The following IRAK1BP1 variants were observed in gnomAD, a reference collection of about 807,000 sequenced individuals.
IRAK1BP1 encodes interleukin 1 receptor associated kinase 1 binding protein 1.
IRAK1BP1 carries 24 observed loss-of-function variants against 28.0 expected under a neutral mutation model. The observed-to-expected ratio is 0.86, with a 90% CI of 0.62 to 1.20. IRAK1BP1 has a LOEUF of 1.20. Ranked by LOEUF, IRAK1BP1 falls within the 50% of genes most tolerant of loss-of-function variation. IRAK1BP1 has a pLI of 0.00. For synonymous variants in IRAK1BP1, 131 were observed against 116.3 expected, an observed-to-expected ratio of 1.13 and a Z score of -0.81; for missense variants, 336 against 316.7, an observed-to-expected ratio of 1.06 and a Z score of -0.46.
rs560388228 is a variant in IRAK1BP1 at position 78,901,997 on chromosome 6, G to A, written c.*3663G>A. 2.0e-5 allele frequency: 3 copies of A among 152,308 alleles called. No homozygotes were observed. Among genetic ancestry groups the A allele is most frequent in the South Asian group, 4.1e-4 (2 of 4,826 alleles). The allele number at this position is 152,308 out of a possible 1,614,324, so 9.4% of individuals were successfully genotyped here. A position where few individuals can be genotyped will look rare whatever the true frequency, so the allele number is the denominator to read the frequency against. On this transcript the variant is annotated 3_prime_UTR_variant, in exon 4 of 4. Coordinates refer to ENST00000369940, the MANE Select transcript of IRAK1BP1 (RefSeq NM_001010844.4). Reference sequence around the variant, plus strand: ...AAAAGCATGAATTATGAGATCAAATGTGGGAGTTACTATATGATTATCTGC... The same window carrying A: ...AAAAGCATGAATTATGAGATCAAATATGGGAGTTACTATATGATTATCTGC...
intron 4 of IRAK1BP1, chr6:78,936,108 C>T (rs867989443): frequency 6.6e-6 from 1 of 151,622 alleles, no homozygotes; most frequent in African/African-American, 2.4e-5. Context: ...ACTCCAGGTT[C>T]GGAAGGAAAA....
rs562923677 is a variant in IRAK1BP1, at chr6:78,927,748, A to G, written c.*68-17660A>G. Among the ~76,000 whole-genome samples, 7 of 152,302 alleles carry G rather than the reference A, an allele frequency of 4.6e-5. No homozygotes were observed. The East Asian group carries it at 9.6e-4, about 21-fold the overall frequency. ...TAGGGGTCTAGTTTCATTCTTCTGC[A>G]TATGAATATCCAGTTTTCCAGGCAC... On this transcript the variant is annotated intron_variant and NMD_transcript_variant, in intron 4 of 4. Coordinates refer to the IRAK1BP1 transcript ENST00000606868.
the IRAK1BP1 span, chr6:78,955,175 C>T: frequency 3.3e-6 from 4 of 1,200,914 alleles, no homozygotes; most frequent in South Asian, 1.4e-5. Context: ...ATAAAGAAAG[C>T]TCTTAATACA....
Position 78,897,879 on chromosome 6 carries a change from T to G in IRAK1BP1, c.432T>G (p.Phe144Leu), listed in dbSNP as rs777280517. The G allele has an allele frequency of 2.5e-6, 4 of 1,613,770 alleles. No individual in the cohort carries two copies. The East Asian group carries it at 6.7e-5, about 27-fold the overall frequency. ...GAAAAATGCAAAATATTTGTAACTTTCTTGTTGAAAAGCTAGATAGCTCTG... is the reference window on the plus strand; with the variant it reads ...GAAAAATGCAAAATATTTGTAACTTGCTTGTTGAAAAGCTAGATAGCTCTG... ...EFGKMQNICNFLVEKLDSSVV... is the reference protein window; with the variant it reads ...EFGKMQNICNLLVEKLDSSVV... The change falls in exon 3 of 4, where the codon TTT becomes TTG. Residue 144 changes from phenylalanine to leucine, a missense_variant. Coordinates refer to ENST00000369940, the MANE Select transcript of IRAK1BP1 (RefSeq NM_001010844.4).
the IRAK1BP1 span, among the ~76,000 whole-genome samples, chr6:78,974,285 A>C: frequency 6.6e-6 from 1 of 152,114 alleles, no homozygotes; most frequent in East Asian, 1.9e-4. Context: ...TACTGGGTAC[A>C]TAATGAAATG....
At chr6:78,896,331 G>GA (rs35774009) in intron 2 of IRAK1BP1, among the ~76,000 whole-genome samples, 5,991 of 92,970 alleles carry the variant, frequency 0.064, 149 homozygotes, top group African/African-American at 0.1. Flanking sequence ...AACCTAAATG[G>GA]AAAAAAAAAA....
chr6:78,933,975 A>G (rs759371721), intron 4 of IRAK1BP1, among the ~76,000 whole-genome samples: 10 of 152,098 alleles, frequency 6.6e-5, no homozygotes, highest in Non-Finnish European at 1.0e-4. Context: ...TGCCTTTTTC[A>G]CTAAGCTTAA....
downstream of IRAK1BP1, among the ~76,000 whole-genome samples, chr6:78,905,247 TATTA>T (rs1440754700): frequency 5.3e-5 from 8 of 152,346 alleles, no homozygotes; most frequent in African/African-American, 1.7e-4. Context: ...CATTGACCAA[TATTA>T]ATTAATGATA....
chr6:78,899,513 C>T lies in IRAK1BP1; in HGVS notation c.*1179C>T, dbSNP rs1374290998. Reference sequence around the variant, plus strand: ...GTTTGGATCGGACTCCAACAGGGCTCCTTAGAGTGATACAAATACAAAGCA... The same window carrying T: ...GTTTGGATCGGACTCCAACAGGGCTTCTTAGAGTGATACAAATACAAAGCA... On this transcript the variant is annotated 3_prime_UTR_variant, in exon 4 of 4. Coordinates refer to ENST00000369940, the MANE Select transcript of IRAK1BP1 (RefSeq NM_001010844.4). The T allele has an allele frequency of 6.6e-6, 1 of 152,164 alleles. No individual in the cohort carries two copies. Among genetic ancestry groups the T allele is most frequent in the East Asian group, 1.9e-4 (1 of 5,198 alleles). The allele number at this position is 152,164 out of a possible 1,614,324, so 9.4% of individuals were successfully genotyped here.
chr6:78,887,176 A>G (rs548136120), intron 2 of IRAK1BP1, among the ~76,000 whole-genome samples: 23 of 152,324 alleles, frequency 1.5e-4, no homozygotes, highest in African/African-American at 5.3e-4. Flanking sequence ...AGACTTATAC[A>G]ACTCAGTAGA....
At chr6:78,954,838 C>A in the IRAK1BP1 span, 1 of 1,580,622 alleles carries the variant, frequency 6.3e-7, no homozygotes, top group Non-Finnish European at 8.6e-7. Flanking sequence ...GATCTACCGG[C>A]TGACGGAAAG....
chr6:78,945,543 AAAGAT>A (rs1773765225), exon 5 of IRAK1BP1: 4 of 1,172,254 alleles, frequency 3.4e-6, no homozygotes, highest in Non-Finnish European at 2.5e-6. Flanking sequence ...TATTGAACCT[AAAGAT>A]AAGAAAAAAG....
intron 4 of IRAK1BP1, among the ~76,000 whole-genome samples, chr6:78,918,546 A>G (rs1772626118): frequency 6.8e-6 from 1 of 146,552 alleles, no homozygotes; most frequent in Non-Finnish European, 1.5e-5. Flanking sequence ...TGGTTGTTAT[A>G]TCAGATAAAA....
chr6:78,889,969 A>G (rs1159411750), intron 2 of IRAK1BP1, among the ~76,000 whole-genome samples: 2 of 152,188 alleles, frequency 1.3e-5, no homozygotes, highest in Non-Finnish European at 2.9e-5. Context: ...ACACATGTAG[A>G]CGTACATTTA....
the IRAK1BP1 span, among the ~76,000 whole-genome samples, chr6:78,952,167 C>G: frequency 6.6e-6 from 1 of 152,122 alleles, no homozygotes; most frequent in Non-Finnish European, 1.5e-5. Flanking sequence ...TGCCTGTAAT[C>G]CCAGCACTTT....
chr6:78,949,653 G>A (rs1774028737), downstream of IRAK1BP1, among the ~76,000 whole-genome samples: 2 of 151,786 alleles, frequency 1.3e-5, no homozygotes, highest in Admixed American at 6.6e-5. Flanking sequence ...TGTGGCATGT[G>A]GTAAGCCCCG....
chr6:78,904,076 G>C (rs1312532408), downstream of IRAK1BP1, among the ~76,000 whole-genome samples: 2 of 152,196 alleles, frequency 1.3e-5, no homozygotes, highest in Non-Finnish European at 2.9e-5. Context: ...GACAGATACT[G>C]TTTATGGCAA....
At position 78,901,083 on chromosome 6, in the gene IRAK1BP1, A is replaced by C. The variant is rs1423447081; in HGVS notation, c.*2749A>C. 6.6e-6 allele frequency: 1 copy of C among 151,678 alleles called. No individual in the cohort carries two copies. Among genetic ancestry groups the C allele is most frequent in the Admixed American group, 6.6e-5 (1 of 15,230 alleles). The allele number at this position is 151,678 out of a possible 1,614,324, so 9.4% of individuals were successfully genotyped here. A position where few individuals can be genotyped will look rare whatever the true frequency, so the allele number is the denominator to read the frequency against. ...GTTCGTTCTCAACAAAAATTTAATC[A>C]CATGGGTAGTTTTTTTTTTTTTAGC... On this transcript the variant is annotated 3_prime_UTR_variant, in exon 4 of 4. Coordinates refer to ENST00000369940, the MANE Select transcript of IRAK1BP1 (RefSeq NM_001010844.4).
intron 2 of IRAK1BP1, among the ~76,000 whole-genome samples, chr6:78,894,549 T>A (rs1319584574): frequency 6.6e-6 from 1 of 152,114 alleles, no homozygotes; most frequent in East Asian, 1.9e-4. Context: ...ATACATATAA[T>A]AAAGCTTCAA....
Sources: allele counts gnomAD v4.1 joint callset (sites outside exome capture counted in the v4.1 genomes callset), GRCh38; gene constraint gnomAD v4.1.1; transcripts MANE v1.5; gene names NCBI Gene and HGNC (gene_info 2026-07-23, HGNC 2026-07-21).